Variants in DOCK3 observed in about 807,000 individuals in gnomAD.
DOCK3 encodes dedicator of cytokinesis 3.
A neutral mutation model predicts 265.6 loss-of-function variants in DOCK3; 60 were observed. That is an observed-to-expected ratio of 0.23 (90% CI 0.18 to 0.28). The LOEUF is 0.28. DOCK3 is among the 10% of genes least tolerant of loss of function. DOCK3 has a pLI of 1.00. For synonymous variants in DOCK3, 881 were observed against 938.0 expected (o/e 0.94, Z 1.11); for missense variants, 1,981 against 2,594.3 (o/e 0.76, Z 5.14).
chr3:50,676,317 C>T (rs972638437), intron 1 of DOCK3, among the ~76,000 whole-genome samples: 2 of 152,146 alleles, frequency 1.3e-5, no homozygotes, highest in African/African-American at 4.8e-5. Flanking sequence ...GGCAGGTTAT[C>T]GTGTGAAAAT....
rs2045853293 is a variant in DOCK3 at position 50,841,766 on chromosome 3, GTA to G, written c.162+53_162+54del. 2.6e-5 allele frequency: 5 copies of G among 193,358 alleles called. 1 individual carries two copies. Among genetic ancestry groups the G allele is most frequent in the East Asian group, 1.2e-4 (2 of 16,452 alleles). The allele number at this position is 193,358 out of a possible 1,614,324, so 12.0% of individuals were successfully genotyped here. A position where few individuals can be genotyped will look rare whatever the true frequency, so the allele number is the denominator to read the frequency against. Reference sequence around the variant, plus strand: ...TTCTAATGTAGGAAGGAACTACCTTGTATGTTTGTTTGATATAACAACTCTTA... The same window carrying G: ...TTCTAATGTAGGAAGGAACTACCTTGTGTTTGTTTGATATAACAACTCTTA... On this transcript the variant is annotated intron_variant, in intron 3 of 52. Transcript: ENST00000266037.
rs901080352 is a variant in DOCK3 at position 51,275,195 on chromosome 3, A to T, written c.2665A>T (p.Thr889Ser). The T allele has an allele frequency of 2.5e-6, 4 of 1,613,880 alleles. No homozygotes were observed. The highest frequency in any genetic ancestry group is 1.7e-5 in the Admixed American group (1 of 60,020). ...ILGSIFSIVKTSSLEADVMEE... is the reference protein window; with the variant it reads ...ILGSIFSIVKSSSLEADVMEE... ...TGGCAGCATCTTCTCCATCGTCAAG[A>T]CCAGCTCTCTGGTAGTGGCCCCACA... is the stretch of plus-strand genomic sequence containing the variant. The change falls in exon 25 of 53, where the codon ACC (threonine) becomes TCC (serine). Residue 889 changes from threonine to serine, a missense_variant. Thr to Ser is a moderately conservative substitution (Grantham distance 58). This residue lies in a region of DOCK3 where 1,357 missense variants were observed against 1,866.8 expected (regional missense o/e 0.73). Coordinates refer to ENST00000266037, the MANE Select transcript of DOCK3 (RefSeq NM_004947.5).
intron 1 of DOCK3, among the ~76,000 whole-genome samples, chr3:50,713,144 TG>T (rs1363158201): frequency 1.3e-5 from 2 of 152,184 alleles, no homozygotes; most frequent in Non-Finnish European, 2.9e-5. Context: ...CAACTTTAAG[TG>T]TGTTCTCAGG....
intron 5 of DOCK3, among the ~76,000 whole-genome samples, chr3:50,948,976 G>C (rs1239670875): frequency 6.6e-6 from 1 of 152,188 alleles, no homozygotes; most frequent in Non-Finnish European, 1.5e-5. Flanking sequence ...GTAAAGGTGA[G>C]ATGGCACTTA....
At chr3:51,357,547 G>A (rs1341203399) in intron 44 of DOCK3, among the ~76,000 whole-genome samples, 1 of 152,180 alleles carries the variant, frequency 6.6e-6, no homozygotes, top group African/African-American at 2.4e-5. Flanking sequence ...TCAGCATCCA[G>A]ACTTAGATGG....
intron 1 of DOCK3, among the ~76,000 whole-genome samples, chr3:50,695,388 A>G (rs2035545896): frequency 6.6e-6 from 1 of 152,250 alleles, no homozygotes; most frequent in African/African-American, 2.4e-5. Context: ...AAGAAAAATG[A>G]AACAAAGAGG....
intron 5 of DOCK3, among the ~76,000 whole-genome samples, chr3:51,000,493 G>C (rs2078439738): frequency 6.6e-6 from 1 of 152,160 alleles, no homozygotes; most frequent in South Asian, 2.1e-4. Context: ...TAGGACAAGG[G>C]CAAATAAAAA....
Position 51,237,038 on chromosome 3 carries a change from CTCT to C in DOCK3, c.2002-443_2002-441del, listed in dbSNP as rs142012755. Among the ~76,000 whole-genome samples the C allele has an allele frequency of 4.5e-3, 690 of 152,236 alleles. 11 individuals carry two copies. Among genetic ancestry groups the C allele is most frequent in the East Asian group, 0.04 (207 of 5,170 alleles). On this transcript the variant is annotated intron_variant, in intron 20 of 52. Transcript: ENST00000266037. ...GTACTTGCATAGTTTGCCCCTCCGGCTCTTCTTCTTCCTAATTTGCCTGTCCAC... is the reference window on the plus strand; with the variant it reads ...GTACTTGCATAGTTTGCCCCTCCGGCTCTTCTTCCTAATTTGCCTGTCCAC...
intron 27 of DOCK3, among the ~76,000 whole-genome samples, chr3:51,283,366 T>G (rs2081238110): frequency 6.6e-6 from 1 of 152,222 alleles, no homozygotes; most frequent in South Asian, 2.1e-4. Flanking sequence ...TTGCCATGGT[T>G]TGGCTCCTAA....
intron 33 of DOCK3, among the ~76,000 whole-genome samples, chr3:51,331,626 G>T (rs2084526056): frequency 6.6e-6 from 1 of 151,936 alleles, no homozygotes; most frequent in African/African-American, 2.4e-5. Context: ...AATTGAACAA[G>T]CCTCTTTATT....
intron 5 of DOCK3, among the ~76,000 whole-genome samples, chr3:50,938,507 A>G (rs1199812584): frequency 1.3e-5 from 2 of 152,164 alleles, no homozygotes; most frequent in South Asian, 2.1e-4. Context: ...AAGATAGACA[A>G]TATCTTAGTT....
At chr3:50,794,129 G>A (rs2042639278) in intron 2 of DOCK3, among the ~76,000 whole-genome samples, 1 of 152,132 alleles carries the variant, frequency 6.6e-6, no homozygotes, top group Non-Finnish European at 1.5e-5. Flanking sequence ...TTTTGCATTT[G>A]CTGAGGAGTG....
intron 27 of DOCK3, among the ~76,000 whole-genome samples, chr3:51,286,425 C>T (rs1041432698): frequency 1.3e-5 from 2 of 152,058 alleles, no homozygotes; most frequent in Admixed American, 1.3e-4. Context: ...CATTGCTATT[C>T]CTATTAAATT....
intron 3 of DOCK3, among the ~76,000 whole-genome samples, chr3:50,847,573 G>C (rs1575344311): frequency 6.6e-6 from 1 of 152,214 alleles, no homozygotes; most frequent in East Asian, 1.9e-4. Flanking sequence ...ATCTAATGCT[G>C]TCAGTGGGAT....
chr3:50,901,299 T>A (rs1350032543), intron 4 of DOCK3, among the ~76,000 whole-genome samples: 1 of 152,092 alleles, frequency 6.6e-6, no homozygotes, highest in Non-Finnish European at 1.5e-5. Flanking sequence ...TACTCAAGCC[T>A]TAGTAATGGC....
chr3:50,861,096 A>T (rs937439161), intron 3 of DOCK3, among the ~76,000 whole-genome samples: 1 of 152,092 alleles, frequency 6.6e-6, no homozygotes, highest in Non-Finnish European at 1.5e-5. Flanking sequence ...TGGGAGAAGC[A>T]TGGTTTTCCA....
chr3:51,357,185 A>G (rs2110289995), intron 44 of DOCK3, 44 bp downstream of exon 44: 2 of 1,580,800 alleles, frequency 1.3e-6, no homozygotes, highest in Non-Finnish European at 1.7e-6. Flanking sequence ...CAGCCTGGCC[A>G]GGAAGGCGGC....
intron 5 of DOCK3, among the ~76,000 whole-genome samples, chr3:50,975,359 G>A (rs543065194): frequency 6.6e-6 from 1 of 150,924 alleles, no homozygotes; most frequent in East Asian, 1.9e-4. Context: ...AAGGGTTGTT[G>A]AATTTTGTCA....
At position 50,954,572 on chromosome 3, in the gene DOCK3, C is replaced by T. The variant is rs188823998; in HGVS notation, c.315+20495C>T. On this transcript the variant is annotated intron_variant, in intron 5 of 52. Transcript: ENST00000266037. The stretch of plus-strand genomic sequence containing the variant: ...AAAGTACCCAATATAGTGACTGGCC[C>T]GAGGAGAACAATTAAGGGTAAAAGT... 7.2e-5 allele frequency among the ~76,000 whole-genome samples: 11 copies of T among 152,068 alleles called. No homozygotes were observed. In the South Asian group the frequency reaches 2.3e-3, roughly 32 times the overall value.
Sources: allele counts gnomAD v4.1 joint callset (sites outside exome capture counted in the v4.1 genomes callset), GRCh38; gene constraint gnomAD v4.1.1; regional missense constraint gnomAD v4.1.1; transcripts MANE v1.5; gene names NCBI Gene and HGNC (gene_info 2026-07-23, HGNC 2026-07-21).